PACSIN2: variants seen among roughly 807,000 people sequenced by gnomAD.
The protein encoded by PACSIN2 is protein kinase C and casein kinase substrate in neurons 2.
In PACSIN2, 25 loss-of-function variants were observed where a neutral mutation model predicts 63.8. The ratio of observed to expected loss-of-function variants is 0.39; its 90% CI spans 0.29 to 0.55. The LOEUF (loss-of-function observed/expected upper bound fraction) is 0.55. PACSIN2 is among the 20% of genes least tolerant of loss of function. PACSIN2 has a pLI of 0.62. For synonymous variants in PACSIN2, 255 were observed against 256.2 expected (o/e 1.00, Z 0.05); for missense variants, 518 against 646.9 (o/e 0.80, Z 2.16).
intron 6 of PACSIN2, among the ~76,000 whole-genome samples, chr22:42,883,146 A>G (rs1358550555): frequency 1.3e-5 from 2 of 152,160 alleles, no homozygotes; most frequent in Admixed American, 6.5e-5. Flanking sequence ...ACAGACAAGC[A>G]TCCACACGAT....
chr22:42,905,245 A>G (rs1930991009), intron 2 of PACSIN2, among the ~76,000 whole-genome samples: 1 of 152,254 alleles, frequency 6.6e-6, no homozygotes, highest in South Asian at 2.1e-4. Flanking sequence ...GGGGGAAGAC[A>G]GGTCTGTCTG....
intron 2 of PACSIN2, among the ~76,000 whole-genome samples, chr22:42,900,934 T>C (rs959491805): frequency 3.3e-5 from 5 of 152,318 alleles, no homozygotes; most frequent in South Asian, 2.1e-4. Flanking sequence ...ATGATGCGTG[T>C]GCTTCCAGCC....
At chr22:42,965,777 G>A (rs1186962708) in intron 1 of PACSIN2, among the ~76,000 whole-genome samples, 2 of 152,180 alleles carry the variant, frequency 1.3e-5, no homozygotes, top group Non-Finnish European at 2.9e-5. Context: ...TCAGTGACCT[G>A]GAAGTGGCAG....
intron 1 of PACSIN2, among the ~76,000 whole-genome samples, chr22:43,012,284 G>A (rs1404658366): frequency 7.5e-6 from 1 of 133,326 alleles, no homozygotes; most frequent in East Asian, 2.1e-4. Flanking sequence ...GGAATCATTT[G>A]AACCTGGGCA....
At chr22:42,968,589 G>C (rs1324021238) in intron 1 of PACSIN2, among the ~76,000 whole-genome samples, 1 of 152,182 alleles carries the variant, frequency 6.6e-6, no homozygotes, top group Non-Finnish European at 1.5e-5. Flanking sequence ...ACCTAGTAAA[G>C]CCTGATTTTG....
At position 42,970,975 on chromosome 22, in the gene PACSIN2, G is replaced by C. The variant is rs969355489; in HGVS notation, c.-78+44046C>G. Among the ~76,000 whole-genome samples the C allele has an allele frequency of 1.9e-3, 284 of 152,272 alleles. 1 individual carries two copies. The highest frequency in any genetic ancestry group is 6.2e-3 in the African/African-American group (258 of 41,556). ...CCCCAGCCTCTCCACAGCCCTCTCT[G>C]CTACAGCCTACCCCTGCACCACCTC... On this transcript the variant is annotated intron_variant, in intron 1 of 10. Coordinates refer to ENST00000263246, the MANE Select transcript of PACSIN2 (RefSeq NM_001184970.3).
At chr22:42,910,142 C>A (rs1454432779) in intron 2 of PACSIN2, among the ~76,000 whole-genome samples, 1 of 152,172 alleles carries the variant, frequency 6.6e-6, no homozygotes, top group Admixed American at 6.5e-5. Flanking sequence ...CTCCTGGCTC[C>A]AAAGCAATGT....
chr22:42,886,407 G>GGTAC (rs1555909030), intron 5 of PACSIN2, among the ~76,000 whole-genome samples: 13 of 140,218 alleles, frequency 9.3e-5, no homozygotes, highest in Non-Finnish European at 7.7e-5. Flanking sequence ...AGTCAGCAAT[G>GGTAC]GTATGTATGT....
chr22:42,971,205 C>G (rs893135867), intron 1 of PACSIN2, among the ~76,000 whole-genome samples: 2 of 152,252 alleles, frequency 1.3e-5, no homozygotes, highest in African/African-American at 4.8e-5. Flanking sequence ...CCTGCCTCAG[C>G]CTGCCAAGCG....
At chr22:42,893,982 C>T (rs1361338622) in intron 2 of PACSIN2, among the ~76,000 whole-genome samples, 1 of 152,106 alleles carries the variant, frequency 6.6e-6, no homozygotes, top group East Asian at 1.9e-4. Context: ...GAGTAGGTGA[C>T]ATCTAACCAA....
intron 1 of PACSIN2, among the ~76,000 whole-genome samples, chr22:42,981,654 G>T (rs1386425637): frequency 8.1e-6 from 1 of 122,926 alleles, no homozygotes; most frequent in Non-Finnish European, 1.8e-5. Flanking sequence ...AGGTGGGGGG[G>T]TCAGCCCCCC....
chr22:42,911,884 T>C, intron 2 of PACSIN2, 137 bp downstream of exon 2: 1 of 658,392 alleles, frequency 1.5e-6, no homozygotes, highest in South Asian at 1.8e-5. Flanking sequence ...TGCTGCTATC[T>C]AGGTCTGACT....
intron 1 of PACSIN2, among the ~76,000 whole-genome samples, chr22:42,940,157 A>G (rs1157699098): frequency 6.6e-6 from 1 of 152,216 alleles, no homozygotes; most frequent in African/African-American, 2.4e-5. Context: ...ATTCCTACAC[A>G]GCGCCTTACA....
rs1379354939 is a variant in PACSIN2, at chr22:42,912,137, G to A, written c.-57C>T. On this transcript the variant is annotated 5_prime_UTR_variant, in exon 2 of 11. Coordinates refer to ENST00000263246, the MANE Select transcript of PACSIN2 (RefSeq NM_001184970.3). ...ACTTAGTCAGGGGTCAACTTCGAAC[G>A]CTCAAAATCTGTAGACAAACCTATA... The A allele has an allele frequency of 8.1e-6, 10 of 1,231,092 alleles. No individual in the cohort carries two copies. Among genetic ancestry groups the A allele is most frequent in the South Asian group, 4.0e-5 (3 of 74,538 alleles). The allele number at this position is 1,231,092 out of a possible 1,614,324, so 76.3% of individuals were successfully genotyped here.
chr22:42,924,961 G>A (rs1481974758), intron 1 of PACSIN2, among the ~76,000 whole-genome samples: 1 of 151,504 alleles, frequency 6.6e-6, no homozygotes, highest in Non-Finnish European at 1.5e-5. Context: ...TTTCACCTGT[G>A]TTAGCCAGGA....
chr22:42,885,200 C>T (rs1327360745), intron 5 of PACSIN2, among the ~76,000 whole-genome samples: 4 of 152,174 alleles, frequency 2.6e-5, no homozygotes, highest in Non-Finnish European at 5.9e-5. Context: ...AGCTAGAAAA[C>T]GTGTGAAATT....
At chr22:42,971,841 G>A (rs1921317430) in intron 1 of PACSIN2, among the ~76,000 whole-genome samples, 6 of 150,846 alleles carry the variant, frequency 4.0e-5, no homozygotes, top group Admixed American at 3.3e-4. Flanking sequence ...CCGTCCGGGA[G>A]GGAGGTGGGG....
chr22:42,905,424 C>T (rs1246855227), intron 2 of PACSIN2, among the ~76,000 whole-genome samples: 1 of 152,240 alleles, frequency 6.6e-6, no homozygotes, highest in Non-Finnish European at 1.5e-5. Context: ...CCTGTGACCT[C>T]AGACAAAATA....
chr22:42,889,852 T>C (rs1285615485), intron 4 of PACSIN2, among the ~76,000 whole-genome samples: 3 of 152,036 alleles, frequency 2.0e-5, no homozygotes, highest in Admixed American at 2.0e-4. Flanking sequence ...GTTTGAAATT[T>C]TGGGATAAAA....
Sources: gnomAD v4.1 joint callset for allele counts (sites outside exome capture counted in the v4.1 genomes callset) on GRCh38, gnomAD v4.1.1 for gene constraint, MANE v1.5 for transcripts, NCBI Gene and HGNC (gene_info 2026-07-23, HGNC 2026-07-21) for gene names.